The following CFAP95 variants were observed in gnomAD, a reference collection of about 807,000 sequenced individuals.
CFAP95 encodes the protein cilia- and flagella-associated protein 95.
the CFAP95 span, among the ~76,000 whole-genome samples, chr9:69,886,563 G>T: frequency 2.6e-5 from 4 of 152,142 alleles, no homozygotes; most frequent in Non-Finnish European, 5.9e-5. Context: ...ACAGCAATTG[G>T]ATTCAGTACT....
chr9:69,894,716 G>A, the CFAP95 span, among the ~76,000 whole-genome samples: 1 of 152,112 alleles, frequency 6.6e-6, no homozygotes, highest in Admixed American at 6.6e-5. Flanking sequence ...TGCAAAACAC[G>A]ACTCAAAACT....
chr9:69,833,662 G>A, the CFAP95 span, among the ~76,000 whole-genome samples: 2 of 152,102 alleles, frequency 1.3e-5, no homozygotes, highest in Non-Finnish European at 2.9e-5. Flanking sequence ...GGCCTCAGCT[G>A]GACTTTGGCT....
the CFAP95 span, among the ~76,000 whole-genome samples, chr9:69,822,966 G>A: frequency 1.3e-5 from 2 of 152,196 alleles, no homozygotes; most frequent in Non-Finnish European, 1.5e-5. Context: ...AAAGCATTTA[G>A]CATCATTCTA....
the CFAP95 span, among the ~76,000 whole-genome samples, chr9:69,892,356 T>C: frequency 3.9e-3 from 588 of 152,310 alleles, 6 homozygotes; most frequent in African/African-American, 0.013. Flanking sequence ...ACTTACTCAG[T>C]TGGCTTGGCT....
the CFAP95 span, chr9:69,902,465 T>G: frequency 1.2e-5 from 4 of 326,832 alleles, no homozygotes; most frequent in East Asian, 4.0e-4. Flanking sequence ...ACTTTTCTCT[T>G]TGGTTGGTGT....
chr9:69,880,606 T>TA, the CFAP95 span, among the ~76,000 whole-genome samples: 2 of 152,240 alleles, frequency 1.3e-5, no homozygotes, highest in Admixed American at 1.3e-4. Flanking sequence ...TTGTGAACAG[T>TA]GCTGCAACAA....
At chr9:69,849,970 A>G in the CFAP95 span, among the ~76,000 whole-genome samples, 2 of 152,176 alleles carry the variant, frequency 1.3e-5, no homozygotes, top group African/African-American at 2.4e-5. Flanking sequence ...CATCAAGAGT[A>G]TGTCTATCAT....
the CFAP95 span, among the ~76,000 whole-genome samples, chr9:69,851,369 C>T: frequency 1.3e-5 from 2 of 152,028 alleles, no homozygotes; most frequent in Non-Finnish European, 2.9e-5. Flanking sequence ...AATAAGAAGC[C>T]TATTGGTCCC....
At chr9:69,894,305 C>T in the CFAP95 span, among the ~76,000 whole-genome samples, 1 of 152,286 alleles carries the variant, frequency 6.6e-6, no homozygotes, top group African/African-American at 2.4e-5. Flanking sequence ...GGTTTTTGCT[C>T]ATATAACTCC....
the CFAP95 span, chr9:69,856,707 G>A: frequency 3.9e-5 from 58 of 1,475,244 alleles, no homozygotes; most frequent in East Asian, 1.2e-3. Context: ...TTTATAGAAT[G>A]TGGACATGCA....
chr9:69,883,233 G>A, the CFAP95 span, among the ~76,000 whole-genome samples: 1,434 of 152,266 alleles, frequency 9.4e-3, 19 homozygotes, highest in African/African-American at 0.032. Flanking sequence ...GCCGATTTCC[G>A]TCAGGAGCAT....
the CFAP95 span, among the ~76,000 whole-genome samples, chr9:69,821,967 C>G: frequency 6.6e-6 from 1 of 152,082 alleles, no homozygotes; most frequent in Non-Finnish European, 1.5e-5. Context: ...CCCCAAGAAG[C>G]ATTTGGTTTA....
At chr9:69,858,480 G>T in the CFAP95 span, among the ~76,000 whole-genome samples, 2 of 152,170 alleles carry the variant, frequency 1.3e-5, no homozygotes, top group African/African-American at 4.8e-5. Flanking sequence ...AAGCATGGTG[G>T]TGAAGTGCTG....
At chr9:69,836,480 G>A in the CFAP95 span, among the ~76,000 whole-genome samples, 1 of 152,122 alleles carries the variant, frequency 6.6e-6, no homozygotes, top group Non-Finnish European at 1.5e-5. Flanking sequence ...TGTCTCTGGG[G>A]TGGGAGTGGA....
chr9:69,904,716 A>T, the CFAP95 span, among the ~76,000 whole-genome samples: 1 of 152,162 alleles, frequency 6.6e-6, no homozygotes, highest in Non-Finnish European at 1.5e-5. Context: ...GTGATGCTCA[A>T]ATCTCATTTA....
At chr9:69,870,833 C>T in the CFAP95 span, among the ~76,000 whole-genome samples, 36 of 152,128 alleles carry the variant, frequency 2.4e-4, no homozygotes, top group Middle Eastern at 3.2e-3. Flanking sequence ...TGGGTAGAAG[C>T]GACATCTGAG....
chr9:69,825,683 TTCCC>T, the CFAP95 span, among the ~76,000 whole-genome samples: 11 of 152,312 alleles, frequency 7.2e-5, no homozygotes, highest in African/African-American at 2.6e-4. Flanking sequence ...TTAGGATATC[TTCCC>T]ACTCATTGGA....
the CFAP95 span, among the ~76,000 whole-genome samples, chr9:69,834,564 A>G: frequency 6.6e-6 from 1 of 152,230 alleles, no homozygotes; most frequent in Non-Finnish European, 1.5e-5. Flanking sequence ...AACTGTTACG[A>G]TAGACAAAGC....
At chr9:69,841,714 G>A in the CFAP95 span, among the ~76,000 whole-genome samples, 5 of 152,176 alleles carry the variant, frequency 3.3e-5, no homozygotes, top group African/African-American at 1.2e-4. Flanking sequence ...TGGCTGGGGA[G>A]GCCTCACAAT....
Sources: gnomAD v4.1 joint callset for allele counts (sites outside exome capture counted in the v4.1 genomes callset) on GRCh38, gnomAD v4.1.1 for gene constraint, MANE v1.5 for transcripts, NCBI Gene and HGNC (gene_info 2026-07-23, HGNC 2026-07-21) for gene names.